RGS7: variants seen among roughly 807,000 people sequenced by gnomAD.
RGS7 encodes the protein regulator of G-protein signaling 7.
A neutral mutation model predicts 81.1 loss-of-function variants in RGS7; 27 were observed. That is an observed-to-expected ratio of 0.33 (90% confidence interval 0.25 to 0.46). The LOEUF is 0.46. Among genes scored for constraint, RGS7 ranks in the 20% least tolerant of loss-of-function variants. The pLI is 1.00. For missense variants in RGS7, 396 were observed against 607.4 expected (o/e 0.65, Z 3.66); for synonymous variants, 208 against 207.7 (o/e 1.00, Z -0.01).
intron 9 of RGS7, among the ~76,000 whole-genome samples, chr1:240,833,569 T>C (rs1694200703): frequency 6.6e-6 from 1 of 152,178 alleles, no homozygotes; most frequent in Non-Finnish European, 1.5e-5. Flanking sequence ...AGTGGCTTTA[T>C]TGGGACATAA....
chr1:240,799,355 T>G (rs1687651473), intron 18 of RGS7, among the ~76,000 whole-genome samples: 1 of 150,928 alleles, frequency 6.6e-6, no homozygotes, highest in Non-Finnish European at 1.5e-5. Context: ...TCCAGTTGTT[T>G]TTTTTTTTTC....
At chr1:241,345,485 A>G (rs1041705302) in intron 2 of RGS7, among the ~76,000 whole-genome samples, 8 of 152,214 alleles carry the variant, frequency 5.3e-5, no homozygotes, top group Non-Finnish European at 8.8e-5. Flanking sequence ...ATTCCCTGAG[A>G]AGAGTTTTTA....
chr1:241,221,084 G>GAAGA (rs1235107385), intron 2 of RGS7, among the ~76,000 whole-genome samples: 1 of 135,526 alleles, frequency 7.4e-6, no homozygotes, highest in African/African-American at 2.8e-5. Flanking sequence ...AGGAAGGAAG[G>GAAGA]AAGGAAGAAA....
chr1:240,816,405 C>A lies in RGS7; in HGVS notation c.695G>T (p.Gly232Val). Residue 232 changes from glycine (G) to valine (V), a missense_variant, in exon 11 of 19, where the codon GGT (glycine) becomes GTT (valine). Gly to Val is a moderately radical substitution (Grantham distance 109). Transcript: ENST00000440928. ...GTGACTTCTAATATCATTTTGTAAA[C>A]CATAGACAGACTATATTAAAATAAA... ...NPHKTRKSVY[G>V]LQNDIRSHSP... The A allele has an allele frequency of 6.3e-7, 1 of 1,587,702 alleles. No homozygotes were observed. The highest frequency in any genetic ancestry group is 8.6e-7 in the Non-Finnish European group (1 of 1,156,136).
chr1:241,036,845 C>T (rs2148750890), intron 3 of RGS7, among the ~76,000 whole-genome samples: 1 of 152,218 alleles, frequency 6.6e-6, no homozygotes, highest in South Asian at 2.1e-4. Context: ...TAGTCCTTCT[C>T]TATAAAAAAC....
chr1:240,913,298 C>T (rs1292156286), intron 6 of RGS7, among the ~76,000 whole-genome samples: 1 of 152,136 alleles, frequency 6.6e-6, no homozygotes, highest in African/African-American at 2.4e-5. Flanking sequence ...TATTCATATA[C>T]ATGCATACCT....
rs539322702 is a variant in RGS7, at chr1:241,327,309, G to A, written c.78+28390C>T. The stretch of plus-strand genomic sequence containing the variant: ...TGGTGTTTAAGGACACATGCCTATA[G>A]GAAATATAGCACCTGAAATAAACTT... On this transcript the variant is annotated intron_variant, in intron 2 of 18. Transcript: ENST00000440928. Among the ~76,000 whole-genome samples, 10 of 152,086 alleles carry A rather than the reference G, an allele frequency of 6.6e-5. No homozygotes were observed. The East Asian group carries it at 1.9e-3, about 30-fold the overall frequency.
chr1:241,101,399 G>A (rs886702333), intron 2 of RGS7, among the ~76,000 whole-genome samples: 17 of 152,196 alleles, frequency 1.1e-4, no homozygotes, highest in East Asian at 1.9e-4. Flanking sequence ...GGGAGGCTGA[G>A]GCAGGAGAAT....
chr1:240,888,244 C>T lies in RGS7; in HGVS notation c.386-18125G>A, dbSNP rs76489321. Among the ~76,000 whole-genome samples, 21 of 152,262 alleles carry T rather than the reference C, an allele frequency of 1.4e-4. 1 individual carries two copies. Among genetic ancestry groups the T allele is most frequent in the Middle Eastern group, 3.4e-3 (1 of 294 alleles). ...GCAGAGGGCGCCATTGCACCAGGTA[C>T]GCTTTCAGTCTCACCTGGTAAAACT... is the stretch of plus-strand genomic sequence containing the variant. On this transcript the variant is annotated intron_variant, in intron 6 of 18. Transcript: ENST00000440928.
In RGS7 at chr1:241,126,982, C is replaced by T. The variant is rs992734757; in HGVS notation, c.79-28220G>A. 1.6e-4 allele frequency among the ~76,000 whole-genome samples: 24 copies of T among 152,020 alleles called. 1 individual carries two copies. Among genetic ancestry groups the T allele is most frequent in the African/African-American group, 3.9e-4 (16 of 41,442 alleles). On this transcript the variant is annotated intron_variant, in intron 2 of 18. Transcript: ENST00000440928. ...CCAAGTGCCCACTATGTGAAAGGTA[C>T]GGTATTAGATTAGGTACAGTAGTAA...
intron 2 of RGS7, among the ~76,000 whole-genome samples, chr1:241,278,147 T>A (rs2078296775): frequency 6.6e-6 from 1 of 152,228 alleles, no homozygotes; most frequent in African/African-American, 2.4e-5. Context: ...ATATTTGATG[T>A]TCGTATTTTT....
intron 3 of RGS7, among the ~76,000 whole-genome samples, chr1:241,097,397 T>C (rs2064341215): frequency 1.3e-5 from 2 of 152,052 alleles, no homozygotes; most frequent in South Asian, 4.2e-4. Context: ...TCTCCTCAGC[T>C]CCAAGCTCCC....
chr1:241,100,856 T>C (rs1051548106), intron 2 of RGS7, among the ~76,000 whole-genome samples: 1 of 152,204 alleles, frequency 6.6e-6, no homozygotes, highest in Non-Finnish European at 1.5e-5. Flanking sequence ...TTTCTTTCCA[T>C]GTGGAAGGAG....
At chr1:241,039,966 C>G (rs138636097) in intron 3 of RGS7, among the ~76,000 whole-genome samples, 97 of 152,278 alleles carry the variant, frequency 6.4e-4, no homozygotes, top group African/African-American at 2.3e-3. Context: ...AACCACACAC[C>G]CACAACTGGT....
chr1:241,218,705 C>T (rs1386666063), intron 2 of RGS7, among the ~76,000 whole-genome samples: 15 of 152,136 alleles, frequency 9.9e-5, no homozygotes, highest in African/African-American at 1.7e-4. Context: ...AGTGCAATGG[C>T]GCAATCTCGG....
chr1:241,201,578 A>C lies in RGS7; in HGVS notation c.79-102816T>G, dbSNP rs1287970690. Among the ~76,000 whole-genome samples the C allele has an allele frequency of 2.0e-5, 3 of 152,264 alleles. No homozygotes were observed. The South Asian group carries it at 6.2e-4, about 32-fold the overall frequency. On this transcript the variant is annotated intron_variant, in intron 2 of 18. Coordinates refer to ENST00000440928, the MANE Select transcript of RGS7 (RefSeq NM_001364886.1). Reference sequence around the variant, plus strand: ...TTAAATTTCTTCCCTGGCCTTCACAATCAGAATAAATTAGCCCTTCATTTC... The same window carrying C: ...TTAAATTTCTTCCCTGGCCTTCACACTCAGAATAAATTAGCCCTTCATTTC...
chr1:240,899,123 T>C (rs1190850699), intron 6 of RGS7, among the ~76,000 whole-genome samples: 2 of 152,216 alleles, frequency 1.3e-5, no homozygotes, highest in African/African-American at 2.4e-5. Context: ...TTTTTTTGTT[T>C]TCCATTTGCT....
chr1:240,991,216 T>C (rs1686409465), intron 3 of RGS7, among the ~76,000 whole-genome samples: 1 of 152,224 alleles, frequency 6.6e-6, no homozygotes, highest in Non-Finnish European at 1.5e-5. Context: ...TAACTAGATT[T>C]TTAATCTTTG....
chr1:241,002,309 C>T (rs555115199), intron 3 of RGS7, among the ~76,000 whole-genome samples: 3 of 152,004 alleles, frequency 2.0e-5, no homozygotes, highest in Admixed American at 6.5e-5. Flanking sequence ...AAAAATTAGC[C>T]GAGCTTGGTG....
Sources: gnomAD v4.1 joint callset for allele counts (sites outside exome capture counted in the v4.1 genomes callset) on GRCh38, gnomAD v4.1.1 for gene constraint, MANE v1.5 for transcripts, NCBI Gene and HGNC (gene_info 2026-07-23, HGNC 2026-07-21) for gene names.